QTGAL: variants seen among roughly 807,000 people sequenced by gnomAD.
The protein encoded by QTGAL is BGnT-like protein 1.
chr17:82,974,426 A>C, the QTGAL span, among the ~76,000 whole-genome samples: 1 of 152,216 alleles, frequency 6.6e-6, no homozygotes, highest in African/African-American at 2.4e-5. Context: ...AGCTGCCCTC[A>C]GGAGCTGCCC....
chr17:83,018,924 G>C, the QTGAL span, among the ~76,000 whole-genome samples: 3 of 152,320 alleles, frequency 2.0e-5, no homozygotes, highest in African/African-American at 7.2e-5. Context: ...GCCAGGAATC[G>C]AGGGGCGGAC....
the QTGAL span, among the ~76,000 whole-genome samples, chr17:82,997,244 A>T: frequency 6.6e-6 from 1 of 152,242 alleles, no homozygotes; most frequent in South Asian, 2.1e-4. Flanking sequence ...ATCTGAACAG[A>T]CACTTCTCAA....
At chr17:82,951,809 G>GGGGGGGAGC in the QTGAL span, among the ~76,000 whole-genome samples, 1 of 151,300 alleles carries the variant, frequency 6.6e-6, no homozygotes, top group African/African-American at 2.4e-5. Flanking sequence ...GGGGTGGGGT[G>GGGGGGGAGC]GGGGGGAGCG....
chr17:82,943,502 G>C, the QTGAL span: 1 of 152,278 alleles, frequency 6.6e-6, no homozygotes, highest in Non-Finnish European at 1.5e-5. Context: ...TGTGCGTGGT[G>C]TAGATTAGGG....
At chr17:82,995,185 C>A in the QTGAL span, among the ~76,000 whole-genome samples, 1,851 of 152,108 alleles carry the variant, frequency 0.012, 43 homozygotes, top group African/African-American at 0.042. Flanking sequence ...AAAGTCCTAG[C>A]TAAAGCAATC....
the QTGAL span, among the ~76,000 whole-genome samples, chr17:82,965,089 G>A: frequency 0.23 from 32,102 of 141,370 alleles, 3,223 homozygotes; most frequent in East Asian, 0.38. Flanking sequence ...GGGAGGACGG[G>A]GACACGGATG....
chr17:83,033,415 T>C, the QTGAL span, among the ~76,000 whole-genome samples: 28 of 151,880 alleles, frequency 1.8e-4, no homozygotes, highest in African/African-American at 6.0e-4. Flanking sequence ...TGATAGAAAA[T>C]GCAAAGTTAC....
At chr17:83,020,230 G>GT in the QTGAL span, among the ~76,000 whole-genome samples, 1 of 152,278 alleles carries the variant, frequency 6.6e-6, no homozygotes, top group East Asian at 1.9e-4. Flanking sequence ...GATATAAAGT[G>GT]TAAGAGGGTC....
the QTGAL span, among the ~76,000 whole-genome samples, chr17:82,968,824 A>G: frequency 6.6e-6 from 1 of 151,930 alleles, no homozygotes; most frequent in Non-Finnish European, 1.5e-5. Flanking sequence ...ACATGGAGAA[A>G]CCCCGTCTTT....
At chr17:82,983,991 G>A in the QTGAL span, among the ~76,000 whole-genome samples, 4 of 147,260 alleles carry the variant, frequency 2.7e-5, no homozygotes, top group East Asian at 8.0e-4. Flanking sequence ...ATATGATCAC[G>A]CAGGGGAGAG....
chr17:83,039,523 C>T, the QTGAL span, among the ~76,000 whole-genome samples: 2 of 126,112 alleles, frequency 1.6e-5, no homozygotes, highest in Non-Finnish European at 3.5e-5. Context: ...GCCCGCCGCC[C>T]GCCCCTGTTC....
the QTGAL span, among the ~76,000 whole-genome samples, chr17:82,952,033 G>A: frequency 3.9e-5 from 6 of 152,220 alleles, no homozygotes; most frequent in South Asian, 4.1e-4. Flanking sequence ...GGTTGCTCTC[G>A]TGGGGCTGCC....
At chr17:82,970,967 C>T in the QTGAL span, among the ~76,000 whole-genome samples, 6 of 152,100 alleles carry the variant, frequency 3.9e-5, no homozygotes, top group South Asian at 2.1e-4. Flanking sequence ...CAAGGGAGGA[C>T]GCAGGAGAGA....
At chr17:82,942,566 G>A in the QTGAL span, 2 of 1,530,306 alleles carry the variant, frequency 1.3e-6, no homozygotes, top group Non-Finnish European at 1.8e-6. Context: ...TCCAGCTGTT[G>A]AAGGGTAGCG....
At chr17:82,948,401 T>C in the QTGAL span, 2 of 152,274 alleles carry the variant, frequency 1.3e-5, no homozygotes, top group African/African-American at 2.4e-5. Context: ...GAGGCAGGGA[T>C]GCTCACGCAG....
chr17:83,027,421 C>A, the QTGAL span, among the ~76,000 whole-genome samples: 1 of 152,136 alleles, frequency 6.6e-6, no homozygotes, highest in African/African-American at 2.4e-5. Context: ...CTAGAAGCTA[C>A]CAGAAAAACA....
chr17:82,957,308 G>A, the QTGAL span: 1 of 1,614,028 alleles, frequency 6.2e-7, no homozygotes, highest in Admixed American at 1.7e-5. Context: ...CTGTGCTGTG[G>A]GACAGTACGG....
the QTGAL span, among the ~76,000 whole-genome samples, chr17:82,958,557 C>A: frequency 1.3e-5 from 2 of 152,150 alleles, no homozygotes. Context: ...TCCCCCCCAA[C>A]CCTGTGGCAC....
At chr17:83,017,398 G>A in the QTGAL span, among the ~76,000 whole-genome samples, 357 of 152,246 alleles carry the variant, frequency 2.3e-3, 1 homozygote, top group African/African-American at 8.1e-3. Flanking sequence ...CAAGGCAGGC[G>A]GATAACTTGA....
Sources: allele counts gnomAD v4.1 joint callset (sites outside exome capture counted in the v4.1 genomes callset), GRCh38; gene constraint gnomAD v4.1.1; transcripts MANE v1.5; gene names NCBI Gene and HGNC (gene_info 2026-07-23, HGNC 2026-07-21).